Variants in REEP1 observed in about 807,000 individuals in gnomAD.
REEP1 encodes the protein receptor accessory protein 1.
In REEP1, 22 loss-of-function variants were observed where a neutral mutation model predicts 40.3. That is an observed-to-expected ratio of 0.55 (90% confidence interval 0.39 to 0.78). The LOEUF (loss-of-function observed/expected upper bound fraction) is 0.78, where lower values mean the gene tolerates loss of function less well. Among genes scored for constraint, REEP1 ranks in the 30% least tolerant of loss-of-function variants. The pLI is 0.00. For synonymous variants in REEP1, 116 were observed against 139.2 expected (o/e 0.83, Z 1.17); for missense variants, 280 against 361.1 (o/e 0.78, Z 1.82).
chr2:86,265,624 T>C (rs926910608), intron 2 of REEP1, among the ~76,000 whole-genome samples: 6 of 152,180 alleles, frequency 3.9e-5, no homozygotes, highest in Non-Finnish European at 8.8e-5. Context: ...TAAAAAATCA[T>C]GTCTTTTGCA....
At position 86,322,603 on chromosome 2, in the gene REEP1, AC is replaced by A. The variant is rs142031857; in HGVS notation, c.32+14875del. On this transcript the variant is annotated intron_variant, in intron 1 of 8. Coordinates refer to ENST00000538924, the MANE Select transcript of REEP1 (RefSeq NM_001371279.1). The stretch of plus-strand genomic sequence containing the variant: ...GTAACTGGGACCACAGGTGTGTGCC[AC>A]CATGCCTGGCTAATTTTTGTATTTA... Among the ~76,000 whole-genome samples the A allele has an allele frequency of 2.5e-3, 374 of 152,104 alleles. 4 individuals are homozygous for A. The South Asian group carries it at 0.025, about 10-fold the overall frequency.
chr2:86,224,331 T>G (rs753709590), intron 7 of REEP1, among the ~76,000 whole-genome samples: 3 of 152,170 alleles, frequency 2.0e-5, no homozygotes, highest in Non-Finnish European at 2.9e-5. Flanking sequence ...GAAATCCTCT[T>G]ACTGCTTAAG....
At chr2:86,268,335 C>T (rs1558901969) in intron 2 of REEP1, among the ~76,000 whole-genome samples, 3 of 152,286 alleles carry the variant, frequency 2.0e-5, no homozygotes, top group Admixed American at 1.3e-4. Context: ...AAGTCCATTG[C>T]TTTCCTACAT....
intron 3 of REEP1, among the ~76,000 whole-genome samples, chr2:86,257,886 G>A (rs1014778858): frequency 6.6e-5 from 10 of 152,064 alleles, no homozygotes; most frequent in African/African-American, 2.2e-4. Flanking sequence ...TGATCCGCCC[G>A]CCTGGGATTA....
intron 1 of REEP1, among the ~76,000 whole-genome samples, chr2:86,323,884 G>A (rs762067482): frequency 3.3e-5 from 5 of 152,028 alleles, no homozygotes; most frequent in South Asian, 4.1e-4. Flanking sequence ...TTTATGACAG[G>A]GCAGGGCACT....
At chr2:86,318,598 A>G (rs1680142167) in intron 1 of REEP1, among the ~76,000 whole-genome samples, 1 of 151,872 alleles carries the variant, frequency 6.6e-6, no homozygotes, top group Non-Finnish European at 1.5e-5. Context: ...GGGTTTCACC[A>G]TGTTAGCCAG....
At chr2:86,287,080 A>G (rs1320710251) in intron 1 of REEP1, among the ~76,000 whole-genome samples, 1 of 152,150 alleles carries the variant, frequency 6.6e-6, no homozygotes, top group East Asian at 1.9e-4. Context: ...ATAAAACTGT[A>G]CACATCTTAT....
At chr2:86,253,408 T>C (rs1676389431) in intron 4 of REEP1, among the ~76,000 whole-genome samples, 3 of 152,276 alleles carry the variant, frequency 2.0e-5, no homozygotes, top group South Asian at 2.1e-4. Context: ...GGTGTGCAAG[T>C]GGGTCAGCAA....
At chr2:86,235,545 AGGTT>A (rs1037567416) in intron 5 of REEP1, among the ~76,000 whole-genome samples, 1 of 152,212 alleles carries the variant, frequency 6.6e-6, no homozygotes, top group African/African-American at 2.4e-5. Context: ...TAAGACACAA[AGGTT>A]GCTATTGAAA....
At chr2:86,229,757 C>T (rs1674910328) in intron 6 of REEP1, among the ~76,000 whole-genome samples, 1 of 151,972 alleles carries the variant, frequency 6.6e-6, no homozygotes, top group South Asian at 2.1e-4. Flanking sequence ...GGATTACAGG[C>T]ATGCACCACC....
rs78879727 is a variant in REEP1, at chr2:86,245,140, G to A, written c.417+6817C>T. Among the ~76,000 whole-genome samples, 29 of 152,006 alleles carry A rather than the reference G, an allele frequency of 1.9e-4. 1 individual carries two copies. In the East Asian group the frequency reaches 3.5e-3, roughly 18 times the overall value. ...CCAGCCTGGGCAAGAGTGAGACACC[G>A]TCTCAAAAACAAAGGGGGTGGGGGG... is the stretch of plus-strand genomic sequence containing the variant. On this transcript the variant is annotated intron_variant, in intron 5 of 8. Coordinates refer to ENST00000538924, the MANE Select transcript of REEP1 (RefSeq NM_001371279.1).
chr2:86,243,804 T>C (rs1675794945), intron 5 of REEP1, among the ~76,000 whole-genome samples: 1 of 152,222 alleles, frequency 6.6e-6, no homozygotes, highest in Non-Finnish European at 1.5e-5. Flanking sequence ...ATTAACTTCA[T>C]GTCACATAGT....
intron 1 of REEP1, among the ~76,000 whole-genome samples, chr2:86,318,780 G>A (rs79286439): frequency 1.3e-5 from 2 of 152,072 alleles, no homozygotes; most frequent in Non-Finnish European, 2.9e-5. Context: ...GGGTGAGGTA[G>A]CATGATGTCT....
chr2:86,269,128 A>G (rs372210908), intron 2 of REEP1, among the ~76,000 whole-genome samples: 12 of 152,232 alleles, frequency 7.9e-5, no homozygotes, highest in African/African-American at 2.9e-4. Flanking sequence ...AAAGAAAAAA[A>G]TCGTTAAGTT....
chr2:86,279,768 AAAAGGC>A (rs1413654585), intron 2 of REEP1, among the ~76,000 whole-genome samples: 1 of 152,160 alleles, frequency 6.6e-6, no homozygotes, highest in Non-Finnish European at 1.5e-5. Context: ...TAGGAACTGG[AAAAGGC>A]AAGGACACAG....
chr2:86,298,983 A>G (rs1397593414), intron 1 of REEP1, among the ~76,000 whole-genome samples: 1 of 152,198 alleles, frequency 6.6e-6, no homozygotes, highest in Non-Finnish European at 1.5e-5. Flanking sequence ...GCAGATGAGC[A>G]ATCAATGAAG....
At chr2:86,320,724 G>A (rs909657303) in intron 1 of REEP1, among the ~76,000 whole-genome samples, 10 of 152,134 alleles carry the variant, frequency 6.6e-5, no homozygotes, top group Admixed American at 2.0e-4. Flanking sequence ...GTAAATCAAC[G>A]GATATGTTTA....
chr2:86,337,521 C>A lies in REEP1; in HGVS notation c.-11G>T. On this transcript the variant is annotated 5_prime_UTR_variant, in exon 1 of 9. Coordinates refer to ENST00000538924, the MANE Select transcript of REEP1 (RefSeq NM_001371279.1). The surrounding 1 kb of genome is among the most constrained non-coding windows in gnomAD (Gnocchi z 5.8). ...GATCCATGACACCATGGCGGGCAGG[C>A]GGGCGGGCGAGGCCCGGGCGGCGCG... The A allele has an allele frequency of 1.6e-6, 2 of 1,273,936 alleles. No homozygotes were observed. The highest frequency in any genetic ancestry group is 2.6e-5 in the South Asian group (1 of 38,162). 78.9% of individuals were successfully genotyped at this position (1,273,936 alleles called of 1,614,324 possible).
At chr2:86,285,183 T>C (rs1226796657) in intron 1 of REEP1, among the ~76,000 whole-genome samples, 1 of 152,056 alleles carries the variant, frequency 6.6e-6, no homozygotes, top group African/African-American at 2.4e-5. Flanking sequence ...CCACATTCAC[T>C]TGCAATCTGT....
Sources: gnomAD v4.1 joint callset for allele counts (sites outside exome capture counted in the v4.1 genomes callset) on GRCh38, gnomAD v4.1.1 for gene constraint, Gnocchi (gnomAD v3.1) non-coding constraint, MANE v1.5 for transcripts, NCBI Gene and HGNC (gene_info 2026-07-23, HGNC 2026-07-21) for gene names.